The following GTSE1 variants were observed in gnomAD, a reference collection of about 807,000 sequenced individuals.
The protein encoded by GTSE1 is G2 and S-phase expressed 1.
GTSE1 carries 52 observed loss-of-function variants against 60.5 expected under a neutral mutation model. That is an observed-to-expected ratio of 0.86 (90% confidence interval 0.69 to 1.08). The LOEUF (loss-of-function observed/expected upper bound fraction) is 1.08. GTSE1 is among the 50% of genes least tolerant of loss of function. The probability of loss-of-function intolerance (pLI) is 0.00; values close to 1 mark genes in which losing one functional copy is unlikely to be tolerated. For missense variants in GTSE1, 937 were observed against 961.8 expected (o/e 0.97, Z 0.34); for synonymous variants, 368 against 386.5 (o/e 0.95, Z 0.56).
chr22:46,300,324 G>A (rs1174650381), intron 2 of GTSE1, among the ~76,000 whole-genome samples: 3 of 151,658 alleles, frequency 2.0e-5, no homozygotes, highest in East Asian at 3.9e-4. Flanking sequence ...TCTCGAACTC[G>A]ACCTCAAGTG....
rs1236273320 is a variant in GTSE1, at chr22:46,310,809, AATCCCAGC to A, written c.763-1331_763-1324del. On this transcript the variant is annotated intron_variant, in intron 4 of 11. Coordinates refer to ENST00000454366, the MANE Select transcript of GTSE1 (RefSeq NM_016426.7). The surrounding 1 kb of genome is among the most constrained non-coding windows in gnomAD (Gnocchi z 4.4). ...GCCAAGTATGGTGGTGCACACCTGTAATCCCAGCTACTTGGGAGGCTGAGGCAGGAGAA... is the reference window on the plus strand; with the variant it reads ...GCCAAGTATGGTGGTGCACACCTGTATACTTGGGAGGCTGAGGCAGGAGAA... Among the ~76,000 whole-genome samples the A allele has an allele frequency of 1.3e-5, 2 of 152,320 alleles. No individual in the cohort carries two copies. Among genetic ancestry groups the A allele is most frequent in the Non-Finnish European group, 2.9e-5 (2 of 68,022 alleles).
chr22:46,317,951 C>T lies in GTSE1; in HGVS notation c.1432+1539C>T, dbSNP rs977189420. Among the ~76,000 whole-genome samples the T allele has an allele frequency of 6.6e-5, 10 of 152,250 alleles. No homozygotes were observed. Among genetic ancestry groups the T allele is most frequent in the African/African-American group, 1.7e-4 (7 of 41,466 alleles). On this transcript the variant is annotated intron_variant, in intron 7 of 11. Coordinates refer to ENST00000454366, the MANE Select transcript of GTSE1 (RefSeq NM_016426.7). This position sits in a 1 kb window ranked among gnomAD's most constrained non-coding sequence, Gnocchi z 5.6. ...CTTGACCTTGAGGACTCCTGCCCTG[C>T]ACCTGTGCACTGCCTGGTGCTCAGC...
rs2077809027 is a variant in GTSE1, at chr22:46,320,982, G to T, written c.1433-2208G>T. Among the ~76,000 whole-genome samples the T allele has an allele frequency of 6.6e-6, 1 of 152,068 alleles. No individual in the cohort carries two copies. The highest frequency in any genetic ancestry group is 1.5e-5 in the Non-Finnish European group (1 of 68,012). On this transcript the variant is annotated intron_variant, in intron 7 of 11. Transcript: ENST00000454366. This position sits in a 1 kb window ranked among gnomAD's most constrained non-coding sequence, Gnocchi z 7.1. Reference sequence around the variant, plus strand: ...AGCTGAGGGAGAGGACAACCGAGAGGAAGGGGTCTCGGGAGAGAGGGAGCC... The same window carrying T: ...AGCTGAGGGAGAGGACAACCGAGAGTAAGGGGTCTCGGGAGAGAGGGAGCC...
Position 46,317,748 on chromosome 22 carries a change from T to C in GTSE1, c.1432+1336T>C, listed in dbSNP as rs553078775. Among the ~76,000 whole-genome samples, 1 of 152,350 alleles carries C rather than the reference T, an allele frequency of 6.6e-6. No homozygotes were observed. Among genetic ancestry groups the C allele is most frequent in the African/African-American group, 2.4e-5 (1 of 41,584 alleles). The stretch of plus-strand genomic sequence containing the variant: ...TTTCCGCCTCCCGCCACCGGCGTCC[T>C]TCCCAAGGCCTCTGCTGCACACCCG... On this transcript the variant is annotated intron_variant, in intron 7 of 11. Transcript: ENST00000454366. The surrounding 1 kb of genome is among the most constrained non-coding windows in gnomAD (Gnocchi z 5.6).
rs1483377840 is a variant in GTSE1, at chr22:46,309,273, C to T, written c.762+330C>T. On this transcript the variant is annotated intron_variant, in intron 4 of 11. Transcript: ENST00000454366. The surrounding 1 kb of genome is among the most constrained non-coding windows in gnomAD (Gnocchi z 6.2). ...AAACTCCCCTCCTCTGCAATGGCTGCTAGTCAGCCTCCTTGACCGTGCCTC... is the reference window on the plus strand; with the variant it reads ...AAACTCCCCTCCTCTGCAATGGCTGTTAGTCAGCCTCCTTGACCGTGCCTC... Among the ~76,000 whole-genome samples the T allele has an allele frequency of 1.3e-5, 2 of 152,230 alleles. No homozygotes were observed. Among genetic ancestry groups the T allele is most frequent in the Admixed American group, 6.5e-5 (1 of 15,290 alleles).
At chr22:46,326,362 A>T in intron 8 of GTSE1, 74 bp from the exon 9 acceptor site, 1 of 1,296,184 alleles carries the variant, frequency 7.7e-7, no homozygotes, top group Non-Finnish European at 1.1e-6. Context: ...GCACTGCATT[A>T]GCACAGGCTG....
In GTSE1 at chr22:46,304,806, C is replaced by A. The variant is rs999857857; in HGVS notation, c.80-3344C>A. The stretch of plus-strand genomic sequence containing the variant: ...CCAGCCTGGGCAACATGAGGAGATC[C>A]CATCTCTACAAAAAATACAAATATT... On this transcript the variant is annotated intron_variant, in intron 2 of 11. Transcript: ENST00000454366. This position sits in a 1 kb window ranked among gnomAD's most constrained non-coding sequence, Gnocchi z 4.4. Among the ~76,000 whole-genome samples the A allele has an allele frequency of 1.3e-5, 2 of 152,044 alleles. No homozygotes were observed. Among genetic ancestry groups the A allele is most frequent in the Admixed American group, 1.3e-4 (2 of 15,262 alleles).
chr22:46,316,130 G>T lies in GTSE1; in HGVS notation c.1150G>T (p.Ala384Ser), dbSNP rs756435687. The change falls in exon 7 of 12, where the codon GCT becomes TCT. Residue 384 changes from alanine to serine, a missense_variant. Physicochemically the swap from Ala to Ser is moderately conservative, Grantham distance 99. Transcript: ENST00000454366. This position sits in a 1 kb window ranked among gnomAD's most constrained non-coding sequence, Gnocchi z 5.0. Reference sequence around the variant, plus strand: ...AATGGGACCCGCCATGCTGCGGCCAGCTCTGCCTGCAGGCCCTGTGGGGGC... The same window carrying T: ...AATGGGACCCGCCATGCTGCGGCCATCTCTGCCTGCAGGCCCTGTGGGGGC... ...GRMGPAMLRP[A>S]LPAGPVGASS... is the part of the protein sequence containing the mutation. 55 of 1,605,744 alleles carry T rather than the reference G, an allele frequency of 3.4e-5. No homozygotes were observed. Among genetic ancestry groups the T allele is most frequent in the Non-Finnish European group, 4.5e-5 (53 of 1,174,240 alleles).
intron 5 of GTSE1, 125 bp downstream of exon 5, chr22:46,312,430 A>G: frequency 2.3e-6 from 2 of 856,404 alleles, no homozygotes; most frequent in South Asian, 3.5e-5. Flanking sequence ...ACTTGAGCCC[A>G]GGAGTTCAAG....
chr22:46,323,213 C>T lies in GTSE1; in HGVS notation c.1456C>T (p.Pro486Ser). Residue 486 changes from proline to serine, a missense_variant, in exon 8 of 12, where the codon CCA becomes TCA. Coordinates refer to ENST00000454366, the MANE Select transcript of GTSE1 (RefSeq NM_016426.7). Reference protein sequence around the residue: ...SIGDSPDSSTPKLSRAQRPQS... With the variant: ...SIGDSPDSSTSKLSRAQRPQS... ...AGGTGACTCCCCGGACAGCTCAACA[C>T]CAAAGCTTTCGCGGGCACAGCGGCC... The T allele has an allele frequency of 6.2e-7, 1 of 1,614,052 alleles. No individual in the cohort carries two copies. Among genetic ancestry groups the T allele is most frequent in the East Asian group, 2.2e-5 (1 of 44,888 alleles).
Position 46,318,939 on chromosome 22 carries a change from G to A in GTSE1, c.1432+2527G>A, listed in dbSNP as rs1277912193. On this transcript the variant is annotated intron_variant, in intron 7 of 11. Coordinates refer to ENST00000454366, the MANE Select transcript of GTSE1 (RefSeq NM_016426.7). The surrounding 1 kb of genome is among the most constrained non-coding windows in gnomAD (Gnocchi z 4.8). ...CTCCCGGCAGGAAGCCTTCTTCTAG[G>A]TGAAGAAGAGCAAATCCCCACCTTT... 6.6e-6 allele frequency among the ~76,000 whole-genome samples: 1 copy of A among 151,204 alleles called. No individual in the cohort carries two copies. Among genetic ancestry groups the A allele is most frequent in the Admixed American group, 6.6e-5 (1 of 15,232 alleles).
Position 46,316,446 on chromosome 22 carries a change from A to G in GTSE1, c.1432+34A>G. Reference sequence around the variant, plus strand: ...TAGATACATTTTAATGTGTCTTTAAAAAATACTGAAGAAATTGCATTTAAA... The same window carrying G: ...TAGATACATTTTAATGTGTCTTTAAGAAATACTGAAGAAATTGCATTTAAA... On this transcript the variant is annotated intron_variant, in intron 7 of 11. Transcript: ENST00000454366. This position sits in a 1 kb window ranked among gnomAD's most constrained non-coding sequence, Gnocchi z 5.0. The G allele has an allele frequency of 2.3e-6, 3 of 1,277,058 alleles. No homozygotes were observed. Among genetic ancestry groups the G allele is most frequent in the Non-Finnish European group, 3.3e-6 (3 of 916,222 alleles). The allele number at this position is 1,277,058 out of a possible 1,614,324, so 79.1% of individuals were successfully genotyped here. A position where few individuals can be genotyped will look rare whatever the true frequency, so the allele number is the denominator to read the frequency against.
At position 46,320,380 on chromosome 22, in the gene GTSE1, G is replaced by T. The variant is rs1460455966; in HGVS notation, c.1433-2810G>T. Among the ~76,000 whole-genome samples the T allele has an allele frequency of 6.6e-6, 1 of 152,156 alleles. No homozygotes were observed. The highest frequency in any genetic ancestry group is 6.5e-5 in the Admixed American group (1 of 15,288). ...CTTGCACGCCTTTGGTCATTCATCAGGGTCAAAACTGGTCCCACAAACTCA... is the reference window on the plus strand; with the variant it reads ...CTTGCACGCCTTTGGTCATTCATCATGGTCAAAACTGGTCCCACAAACTCA... On this transcript the variant is annotated intron_variant, in intron 7 of 11. Transcript: ENST00000454366. The surrounding 1 kb of genome is among the most constrained non-coding windows in gnomAD (Gnocchi z 7.1).
At chr22:46,312,797 C>G (rs1271409009) in intron 5 of GTSE1, among the ~76,000 whole-genome samples, 1 of 152,056 alleles carries the variant, frequency 6.6e-6, no homozygotes, top group African/African-American at 2.4e-5. Context: ...TCTCGGAGCC[C>G]CAGTTTGTAG....
intron 7 of GTSE1, among the ~76,000 whole-genome samples, chr22:46,322,032 C>G (rs187866551): frequency 1.4e-5 from 2 of 146,578 alleles, no homozygotes; most frequent in East Asian, 4.0e-4. Context: ...CGAGATCATG[C>G]CACTGCACTC....
rs960327783 is a variant in GTSE1 at position 46,297,328 on chromosome 22, G to A, written c.-21-52G>A. ...GTGAGCCGAGGGCTGAAGGAAGCCG[G>A]AGCCCTGGGCCCTGACACGTACTCA... On this transcript the variant is annotated intron_variant, in intron 1 of 11. Transcript: ENST00000454366. The surrounding 1 kb of genome is among the most constrained non-coding windows in gnomAD (Gnocchi z 4.9). 9.5e-7 allele frequency: 1 copy of A among 1,051,850 alleles called. No homozygotes were observed. The highest frequency in any genetic ancestry group is 1.5e-6 in the Non-Finnish European group (1 of 671,092). The allele number at this position is 1,051,850 out of a possible 1,614,324, so 65.2% of individuals were successfully genotyped here.
At chr22:46,325,870 A>G (rs944938069) in intron 8 of GTSE1, among the ~76,000 whole-genome samples, 1 of 152,248 alleles carries the variant, frequency 6.6e-6, no homozygotes, top group Admixed American at 6.5e-5. Context: ...GGCAAGACCC[A>G]TGGGTAGCCC....
rs949413906 is a variant in GTSE1, at chr22:46,330,271, A to G, written c.*141A>G. ...TGAGGTGGGCGGATTACTTGAGCCC[A>G]GGAGTTCGGGACCAGCCTGGGAAAT... On this transcript the variant is annotated 3_prime_UTR_variant, in exon 12 of 12. Coordinates refer to ENST00000454366, the MANE Select transcript of GTSE1 (RefSeq NM_016426.7). The surrounding 1 kb of genome is among the most constrained non-coding windows in gnomAD (Gnocchi z 6.0). The G allele has an allele frequency of 2.4e-5, 15 of 622,736 alleles. No individual in the cohort carries two copies. The highest frequency in any genetic ancestry group is 3.8e-5 in the Non-Finnish European group (13 of 340,816). The allele number at this position is 622,736 out of a possible 1,614,324, so 38.6% of individuals were successfully genotyped here. A position where few individuals can be genotyped will look rare whatever the true frequency, so the allele number is the denominator to read the frequency against.
At chr22:46,311,428 C>T (rs1174247948) in intron 4 of GTSE1, among the ~76,000 whole-genome samples, 3 of 152,138 alleles carry the variant, frequency 2.0e-5, no homozygotes, top group African/African-American at 7.2e-5. Flanking sequence ...TTAGCTTGTG[C>T]TGGTTGTACA....
Sources: gnomAD v4.1 joint callset for allele counts (sites outside exome capture counted in the v4.1 genomes callset) on GRCh38, gnomAD v4.1.1 for gene constraint, Gnocchi (gnomAD v3.1) non-coding constraint, MANE v1.5 for transcripts, NCBI Gene and HGNC (gene_info 2026-07-23, HGNC 2026-07-21) for gene names.